Variants in ZNF544 observed in about 807,000 individuals in gnomAD.
ZNF544 encodes the protein zinc finger protein AF020591.
ZNF544 carries 10 observed loss-of-function variants against 13.5 expected under a neutral mutation model. The observed-to-expected ratio is 0.74, with a 90% CI of 0.46 to 1.25. The LOEUF (loss-of-function observed/expected upper bound fraction) is 1.25, where lower values mean the gene tolerates loss of function less well. ZNF544 is among the 50% of genes most tolerant of loss of function. The pLI, the probability that ZNF544 is intolerant of heterozygous loss-of-function variation, is 0.00. For missense variants in ZNF544, 896 were observed against 845.6 expected, an observed-to-expected ratio of 1.06 and a Z score of -0.74; for synonymous variants, 323 against 300.5, an observed-to-expected ratio of 1.07 and a Z score of -0.77.
At position 58,242,618 on chromosome 19, in the gene ZNF544, A is replaced by T. The variant is rs894098984; in HGVS notation, c.-59-1347A>T. On this transcript the variant is annotated intron_variant, in intron 3 of 6. Transcript: ENST00000687789. ...AACCTTGACCTCTAGGGCTCATGCG[A>T]TCATCTCATCTCAGCCCCTACCCCC... Among the ~76,000 whole-genome samples the T allele has an allele frequency of 5.3e-5, 8 of 150,622 alleles. No homozygotes were observed. In the East Asian group the frequency reaches 1.4e-3, roughly 26 times the overall value.
rs1222599761 is a variant in ZNF544 at position 58,235,748 on chromosome 19, A to C, written c.-60+5286A>C. On this transcript the variant is annotated intron_variant, in intron 3 of 6. Coordinates refer to ENST00000687789, the MANE Select transcript of ZNF544 (RefSeq NM_014480.4). ...GTCAATTAAAAAATAAATTAACTTT[A>C]AAATTTGTGTGATTAAAAAACAACT... Among the ~76,000 whole-genome samples the C allele has an allele frequency of 2.0e-5, 3 of 152,250 alleles. No homozygotes were observed. The East Asian group carries it at 5.8e-4, about 29-fold the overall frequency.
At chr19:58,251,284 AT>A (rs755872580) in intron 6 of ZNF544, 1 of 518,902 alleles carries the variant, frequency 1.9e-6, no homozygotes, top group Admixed American at 1.9e-5. Context: ...GCTTTTACTT[AT>A]CTTTTGGCTG....
chr19:58,246,507 G>A, intron 5 of ZNF544, 80 bp downstream of exon 5: 9 of 1,575,936 alleles, frequency 5.7e-6, no homozygotes, highest in Non-Finnish European at 7.8e-6. Context: ...GTTCTGGGAT[G>A]TGCTGGAAGA....
chr19:58,253,259 C>T (rs1336006164), intron 6 of ZNF544, among the ~76,000 whole-genome samples: 2 of 152,166 alleles, frequency 1.3e-5, no homozygotes, highest in African/African-American at 4.8e-5. Flanking sequence ...AACATTTTAT[C>T]TAGATTACTT....
At chr19:58,268,645 A>C (rs112825285), downstream of ZNF544, among the ~76,000 whole-genome samples, 136 of 152,358 alleles carry the variant, frequency 8.9e-4, 1 homozygote, top group African/African-American at 3.0e-3. Context: ...CAGCCTGCAC[A>C]ATCTAAACTA....
chr19:58,248,247 A>G (rs1029296433), intron 6 of ZNF544, among the ~76,000 whole-genome samples: 25 of 141,250 alleles, frequency 1.8e-4, no homozygotes, highest in Non-Finnish European at 2.3e-4. Context: ...TCCATAGTTT[A>G]TGATAGGGTT....
intron 3 of ZNF544, among the ~76,000 whole-genome samples, chr19:58,241,191 T>A (rs1600250388): frequency 2.7e-4 from 11 of 40,706 alleles, no homozygotes; most frequent in East Asian, 7.6e-4. Context: ...TTTTTTTTTT[T>A]TGTAGAGATA....
intron 4 of ZNF544, among the ~76,000 whole-genome samples, chr19:58,244,895 G>A (rs1339884429): frequency 6.6e-6 from 1 of 151,564 alleles, no homozygotes; most frequent in African/African-American, 2.4e-5. Context: ...TTCTTATAAG[G>A]ACTCTAGTCC....
intron 6 of ZNF544, chr19:58,251,533 T>C: frequency 2.8e-6 from 1 of 356,774 alleles, no homozygotes; most frequent in Non-Finnish European, 5.7e-6. Context: ...AACAGGTACC[T>C]TGTCTGTTGG....
At chr19:58,252,523 T>C (rs939236121) in intron 6 of ZNF544, among the ~76,000 whole-genome samples, 1 of 152,246 alleles carries the variant, frequency 6.6e-6, no homozygotes, top group Non-Finnish European at 1.5e-5. Flanking sequence ...GGTTTCTTAC[T>C]ACCTTGTTTC....
At chr19:58,237,394 A>G (rs993672824) in intron 3 of ZNF544, among the ~76,000 whole-genome samples, 7 of 152,078 alleles carry the variant, frequency 4.6e-5, no homozygotes, top group Non-Finnish European at 1.0e-4. Context: ...AATTTTGTGG[A>G]AATTGGTTAC....
At chr19:58,273,191 A>G (rs894124087) in intron 5 of ZNF544, among the ~76,000 whole-genome samples, 7 of 152,030 alleles carry the variant, frequency 4.6e-5, no homozygotes, top group Admixed American at 3.3e-4. Flanking sequence ...CAAAAAAAAA[A>G]AGAAGAAAGA....
chr19:58,275,524 A>AC (rs2051146007), intron 5 of ZNF544, among the ~76,000 whole-genome samples: 1 of 151,718 alleles, frequency 6.6e-6, no homozygotes. Flanking sequence ...TAGAAAAGAA[A>AC]AAAAAAATAG....
intron 4 of ZNF544, 40 bp from the exon 5 acceptor site, chr19:58,246,241 TACCTCCGTGAGGGCATGAGG>T: frequency 1.2e-6 from 2 of 1,610,090 alleles, no homozygotes; most frequent in Non-Finnish European, 1.7e-6. Flanking sequence ...CCTTAACAGG[TACCTCCGTGAGGGCATGAGG>T]ACCTGGGGTC....
At chr19:58,256,647 G>A (rs751858589) in intron 6 of ZNF544, among the ~76,000 whole-genome samples, 1 of 152,160 alleles carries the variant, frequency 6.6e-6, no homozygotes, top group Non-Finnish European at 1.5e-5. Flanking sequence ...AAGGTTTTCT[G>A]TTGTTATCTC....
chr19:58,239,400 A>G (rs904809036), intron 3 of ZNF544, among the ~76,000 whole-genome samples: 2 of 152,202 alleles, frequency 1.3e-5, no homozygotes, highest in Non-Finnish European at 2.9e-5. Context: ...GTTCCCGGAA[A>G]GCAAAACTGC....
At chr19:58,232,765 T>TAAAAAAAA (rs529610316) in intron 3 of ZNF544, among the ~76,000 whole-genome samples, 3 of 108,156 alleles carry the variant, frequency 2.8e-5, no homozygotes, top group Non-Finnish European at 4.0e-5. Context: ...CCGTCTCTAC[T>TAAAAAAAA]AAAAAAAAAA....
At chr19:58,237,775 G>T (rs887915224) in intron 3 of ZNF544, among the ~76,000 whole-genome samples, 7 of 152,216 alleles carry the variant, frequency 4.6e-5, no homozygotes, top group African/African-American at 1.7e-4. Flanking sequence ...GAGCTTTGTT[G>T]GCATGGCCAG....
At chr19:58,266,599 G>A (rs1031355387), downstream of ZNF544, 4 of 151,928 alleles carry the variant, frequency 2.6e-5, no homozygotes, top group Non-Finnish European at 4.4e-5. Flanking sequence ...AGGGTCAGGC[G>A]AGGAGAGGCT....
Sources: allele counts gnomAD v4.1 joint callset (sites outside exome capture counted in the v4.1 genomes callset), GRCh38; gene constraint gnomAD v4.1.1; transcripts MANE v1.5; gene names NCBI Gene and HGNC (gene_info 2026-07-23, HGNC 2026-07-21).